GRIN2A: variants seen among roughly 807,000 people sequenced by gnomAD.
GRIN2A encodes glutamate ionotropic receptor NMDA type subunit 2A, also known as glutamate receptor ionotropic, NMDA 2A.
Under a neutral mutation model 113.4 loss-of-function variants are expected in GRIN2A, and 22 were observed. The observed-to-expected ratio is 0.19, with a 90% CI of 0.14 to 0.28. The LOEUF is 0.28. Ranked by LOEUF, GRIN2A falls within the 10% of genes least tolerant of loss-of-function variation. The pLI is 1.00. For synonymous variants in GRIN2A, 827 were observed against 738.4 expected (o/e 1.12, Z -1.94); for missense variants, 1,502 against 1,887.0 (o/e 0.80, Z 3.78).
At chr16:10,130,204 C>A (rs1418381255) in intron 2 of GRIN2A, among the ~76,000 whole-genome samples, 2 of 152,134 alleles carry the variant, frequency 1.3e-5, no homozygotes, top group African/African-American at 4.8e-5. Flanking sequence ...GAACGCTGGT[C>A]CCTGGGACTC....
chr16:10,096,155 G>T (rs1009694497), intron 2 of GRIN2A, among the ~76,000 whole-genome samples: 1 of 152,150 alleles, frequency 6.6e-6, no homozygotes, highest in African/African-American at 2.4e-5. Context: ...TTAGGGCCCA[G>T]GCATCCATGT....
intron 4 of GRIN2A, among the ~76,000 whole-genome samples, chr16:9,874,400 G>GATTT (rs1286767889): frequency 6.6e-6 from 1 of 152,234 alleles, no homozygotes; most frequent in African/African-American, 2.4e-5. Context: ...TTAGGAGGCA[G>GATTT]ATTTGCATAC....
chr16:10,069,986 T>A (rs1433181850), intron 2 of GRIN2A, among the ~76,000 whole-genome samples: 1 of 152,186 alleles, frequency 6.6e-6, no homozygotes, highest in Non-Finnish European at 1.5e-5. Context: ...GGTTCCCTCT[T>A]GCCTATCCAC....
intron 2 of GRIN2A, among the ~76,000 whole-genome samples, chr16:10,166,382 G>A (rs1025283589): frequency 2.0e-5 from 3 of 152,164 alleles, no homozygotes; most frequent in Non-Finnish European, 4.4e-5. Flanking sequence ...AGGAGAGGAA[G>A]GCTTAGATTG....
chr16:10,004,599 A>C (rs554498833), intron 2 of GRIN2A, among the ~76,000 whole-genome samples: 2 of 152,252 alleles, frequency 1.3e-5, no homozygotes, highest in African/African-American at 4.8e-5. Context: ...TGCCTTCCCC[A>C]GTTCCTAGAA....
chr16:10,047,810 C>G (rs1272746409), intron 2 of GRIN2A, among the ~76,000 whole-genome samples: 2 of 152,306 alleles, frequency 1.3e-5, no homozygotes, highest in South Asian at 4.1e-4. Flanking sequence ...CTCAGCTCCT[C>G]CACTCCTTGG....
intron 2 of GRIN2A, among the ~76,000 whole-genome samples, chr16:9,952,241 C>T (rs922349579): frequency 1.9e-4 from 29 of 152,216 alleles, no homozygotes; most frequent in African/African-American, 6.5e-4. Flanking sequence ...CAAGGGAATG[C>T]AGAGGAAGGG....
chr16:10,079,604 C>T (rs2047941132), intron 2 of GRIN2A, among the ~76,000 whole-genome samples: 1 of 152,190 alleles, frequency 6.6e-6, no homozygotes, highest in African/African-American at 2.4e-5. Context: ...CGGCCCCTTC[C>T]ATTACCAATG....
At chr16:10,045,566 G>A (rs2047243947) in intron 2 of GRIN2A, among the ~76,000 whole-genome samples, 2 of 152,176 alleles carry the variant, frequency 1.3e-5, no homozygotes, top group Non-Finnish European at 1.5e-5. Flanking sequence ...ACCTATCCTC[G>A]GGGTTTGGCA....
At chr16:9,786,273 C>A (rs377645088) in intron 11 of GRIN2A, among the ~76,000 whole-genome samples, 1 of 152,162 alleles carries the variant, frequency 6.6e-6, no homozygotes, top group Non-Finnish European at 1.5e-5. Context: ...CATCTGACTT[C>A]TCTTAATTAC....
At chr16:9,912,292 A>G (rs2044157771) in intron 3 of GRIN2A, among the ~76,000 whole-genome samples, 1 of 152,028 alleles carries the variant, frequency 6.6e-6, no homozygotes, top group Non-Finnish European at 1.5e-5. Flanking sequence ...GATTATGGAG[A>G]TGATGCTATA....
rs753376881 is a variant in GRIN2A at position 9,764,423 on chromosome 16, T to G, written c.3121A>C (p.Asn1041His). The change falls in exon 13 of 13, where the codon AAT becomes CAT. Residue 1041 changes from asparagine (N) to histidine (H), a missense_variant. Physicochemically the swap from Asn to His is moderately conservative, Grantham distance 68. Transcript: ENST00000330684. ...VSQRDEATAE[N>H]RTHSLKSPRY... Reference sequence around the variant, plus strand: ...GGGCTCTTTAGGGAGTGGGTCCTATTCTCTGCTGTTGCCTCATCCCTCTGG... The same window carrying G: ...GGGCTCTTTAGGGAGTGGGTCCTATGCTCTGCTGTTGCCTCATCCCTCTGG... 1.9e-6 allele frequency: 3 copies of G among 1,614,082 alleles called. No individual in the cohort carries two copies. Among genetic ancestry groups the G allele is most frequent in the Middle Eastern group, 1.6e-4 (1 of 6,062 alleles).
At chr16:9,785,262 A>G (rs931419174) in intron 11 of GRIN2A, among the ~76,000 whole-genome samples, 6 of 152,154 alleles carry the variant, frequency 3.9e-5, no homozygotes, top group African/African-American at 1.2e-4. Context: ...TGCAGCCATA[A>G]AAAATGATGA....
chr16:9,939,776 C>T (rs2044817184), intron 2 of GRIN2A, among the ~76,000 whole-genome samples: 1 of 152,086 alleles, frequency 6.6e-6, no homozygotes, highest in African/African-American at 2.4e-5. Flanking sequence ...CTGTATGGAA[C>T]AGATGCTTAA....
chr16:10,124,525 G>C (rs1006691259), intron 2 of GRIN2A, among the ~76,000 whole-genome samples: 11 of 152,158 alleles, frequency 7.2e-5, no homozygotes, highest in African/African-American at 2.4e-4. Flanking sequence ...CTTGGTGCTT[G>C]GGTAGAGAGC....
At chr16:10,033,312 G>A (rs192646800) in intron 2 of GRIN2A, among the ~76,000 whole-genome samples, 1 of 152,116 alleles carries the variant, frequency 6.6e-6, no homozygotes, top group African/African-American at 2.4e-5. Flanking sequence ...CTGTATGATG[G>A]GCCTGTGTTA....
chr16:9,885,082 G>A (rs1043973709), intron 4 of GRIN2A, among the ~76,000 whole-genome samples: 1 of 152,024 alleles, frequency 6.6e-6, no homozygotes, highest in Non-Finnish European at 1.5e-5. Context: ...CTCCGCCTAT[G>A]TAGCACTTAT....
At chr16:10,030,728 T>C (rs141093682) in intron 2 of GRIN2A, among the ~76,000 whole-genome samples, 100 of 152,336 alleles carry the variant, frequency 6.6e-4, no homozygotes, top group African/African-American at 1.8e-3. Context: ...CTCTGCTCTC[T>C]GGCCAGGAGT....
intron 2 of GRIN2A, among the ~76,000 whole-genome samples, chr16:10,023,046 T>G (rs937325671): frequency 6.6e-6 from 1 of 152,256 alleles, no homozygotes. Flanking sequence ...CTTTCTTGCT[T>G]AAACAACCCG....
Sources: allele counts gnomAD v4.1 joint callset (sites outside exome capture counted in the v4.1 genomes callset), GRCh38; gene constraint gnomAD v4.1.1; transcripts MANE v1.5; gene names NCBI Gene and HGNC (gene_info 2026-07-23, HGNC 2026-07-21).